Variants in ZMAT4 observed in about 807,000 individuals in gnomAD.
ZMAT4 encodes zinc finger matrin-type 4.
A neutral mutation model predicts 28.7 loss-of-function variants in ZMAT4; 17 were observed. The ratio of observed to expected loss-of-function variants is 0.59; its 90% CI spans 0.41 to 0.89. The LOEUF (loss-of-function observed/expected upper bound fraction) is 0.89. Ranked by LOEUF, ZMAT4 falls within the 40% of genes least tolerant of loss-of-function variation. The pLI is 0.00. For synonymous variants in ZMAT4, 117 were observed against 109.2 expected, an observed-to-expected ratio of 1.07 and a Z score of -0.44; for missense variants, 240 against 283.8, an observed-to-expected ratio of 0.85 and a Z score of 1.11.
chr8:40,578,909 G>C (rs563231878), intron 6 of ZMAT4, among the ~76,000 whole-genome samples: 4 of 152,138 alleles, frequency 2.6e-5, no homozygotes, highest in South Asian at 2.1e-4. Flanking sequence ...GCCTAAGTTC[G>C]TGTTAACTGA....
chr8:40,748,937 A>T (rs1812347689), intron 3 of ZMAT4, among the ~76,000 whole-genome samples: 1 of 152,012 alleles, frequency 6.6e-6, no homozygotes, highest in Admixed American at 6.5e-5. Flanking sequence ...ACCCAGTGGG[A>T]GATAATAATT....
At chr8:40,632,465 C>T (rs1304442650) in intron 5 of ZMAT4, among the ~76,000 whole-genome samples, 1 of 152,044 alleles carries the variant, frequency 6.6e-6, no homozygotes, top group East Asian at 1.9e-4. Flanking sequence ...GAGGATATGT[C>T]CTTTCAGGAC....
chr8:40,696,792 C>T (rs759085625), intron 4 of ZMAT4, among the ~76,000 whole-genome samples: 1 of 152,054 alleles, frequency 6.6e-6, no homozygotes, highest in Non-Finnish European at 1.5e-5. Context: ...TATAGTTTTC[C>T]TTTCTTTTCC....
intron 5 of ZMAT4, among the ~76,000 whole-genome samples, chr8:40,638,634 A>G (rs1337189724): frequency 6.6e-6 from 1 of 152,242 alleles, no homozygotes; most frequent in African/African-American, 2.4e-5. Context: ...ATCAGAGGAA[A>G]CAAGTGCATT....
At chr8:40,677,600 G>A (rs149273022) in intron 4 of ZMAT4, among the ~76,000 whole-genome samples, 295 of 152,274 alleles carry the variant, frequency 1.9e-3, no homozygotes, top group African/African-American at 5.9e-3. Flanking sequence ...CCCTTCTACA[G>A]CTTTGATTCA....
At chr8:40,841,235 C>G (rs1816691819) in intron 1 of ZMAT4, among the ~76,000 whole-genome samples, 2 of 152,232 alleles carry the variant, frequency 1.3e-5, no homozygotes, top group Non-Finnish European at 2.9e-5. Context: ...GCACTCTCCC[C>G]AGGACCTCAG....
intron 3 of ZMAT4, among the ~76,000 whole-genome samples, chr8:40,723,910 G>A (rs73611494): frequency 0.012 from 1,895 of 152,212 alleles, 42 homozygotes; most frequent in African/African-American, 0.043. Context: ...AATGCCACAT[G>A]TGAAAATGCA....
Position 40,595,363 on chromosome 8 carries a change from CAT to C in ZMAT4, c.578-14104_578-14103del, listed in dbSNP as rs965885365. On this transcript the variant is annotated intron_variant, in intron 5 of 6. Coordinates refer to ENST00000297737, the MANE Select transcript of ZMAT4 (RefSeq NM_024645.3). ...GTATAAATGTATACAAACACACACA[CAT>C]ATATATATGTGTGTATATATGTATA... Among the ~76,000 whole-genome samples the C allele has an allele frequency of 7.0e-4, 106 of 152,132 alleles. 1 individual carries two copies. The highest frequency in any genetic ancestry group is 2.2e-3 in the African/African-American group (92 of 41,510).
chr8:40,844,629 CCTCT>C lies in ZMAT4; in HGVS notation c.-4-18953_-4-18950del, dbSNP rs145438726. 3.8e-3 allele frequency among the ~76,000 whole-genome samples: 570 copies of C among 150,194 alleles called. 6 individuals carry two copies. The highest frequency in any genetic ancestry group is 0.013 in the African/African-American group (538 of 40,896). On this transcript the variant is annotated intron_variant, in intron 1 of 6. Transcript: ENST00000297737. ...TACTCTTTCTCTCTCCTCTCTCTCT[CCTCT>C]CTCTCTGCATGCTCTCTCTCATTCT...
intron 3 of ZMAT4, among the ~76,000 whole-genome samples, chr8:40,722,830 T>C (rs1456374194): frequency 6.6e-6 from 1 of 152,142 alleles, no homozygotes; most frequent in African/African-American, 2.4e-5. Flanking sequence ...GGGTGATAAG[T>C]GCTCACATAC....
At chr8:40,662,949 G>A (rs1808263415) in intron 5 of ZMAT4, among the ~76,000 whole-genome samples, 1 of 152,094 alleles carries the variant, frequency 6.6e-6, no homozygotes, top group Admixed American at 6.5e-5. Context: ...CCCTCAGCAG[G>A]CCTCTGCATG....
rs189260291 is a variant in ZMAT4 at position 40,550,403 on chromosome 8, G to T, written c.675-18165C>A. ...AGGTGTTTTCCATAATAAAATTCCT[G>T]CATGTTTAATTCTGTCTTGGAATCT... is the stretch of plus-strand genomic sequence containing the variant. On this transcript the variant is annotated intron_variant, in intron 6 of 6. Coordinates refer to ENST00000297737, the MANE Select transcript of ZMAT4 (RefSeq NM_024645.3). Among the ~76,000 whole-genome samples, 4 of 152,256 alleles carry T rather than the reference G, an allele frequency of 2.6e-5. No homozygotes were observed. In the East Asian group the frequency reaches 7.7e-4, roughly 29 times the overall value.
chr8:40,727,331 A>G (rs1811355191), intron 3 of ZMAT4, among the ~76,000 whole-genome samples: 1 of 152,164 alleles, frequency 6.6e-6, no homozygotes, highest in South Asian at 2.1e-4. Context: ...AAGGTTGAGG[A>G]AAATCATTCC....
At chr8:40,600,203 T>TTTTG (rs1011678045) in intron 5 of ZMAT4, among the ~76,000 whole-genome samples, 5 of 152,210 alleles carry the variant, frequency 3.3e-5, no homozygotes, top group South Asian at 2.1e-4. Flanking sequence ...AAAGGTGTTT[T>TTTTG]TTTGTTTGTT....
chr8:40,664,235 T>C (rs1353941049), intron 5 of ZMAT4, among the ~76,000 whole-genome samples: 1 of 152,186 alleles, frequency 6.6e-6, no homozygotes, highest in Non-Finnish European at 1.5e-5. Context: ...TCACTCACTC[T>C]GTAGGAAGCC....
At chr8:40,846,741 G>T (rs2150631452) in intron 1 of ZMAT4, among the ~76,000 whole-genome samples, 1 of 152,280 alleles carries the variant, frequency 6.6e-6, no homozygotes, top group East Asian at 1.9e-4. Context: ...CACAGCTGCT[G>T]CAAACGTGTA....
chr8:40,881,881 C>T (rs528600417), intron 1 of ZMAT4, among the ~76,000 whole-genome samples: 4 of 152,220 alleles, frequency 2.6e-5, no homozygotes, highest in East Asian at 3.9e-4. Flanking sequence ...TCTCCATCAC[C>T]GCCACTCCTC....
chr8:40,586,338 C>T (rs991978056), intron 5 of ZMAT4, among the ~76,000 whole-genome samples: 2 of 152,126 alleles, frequency 1.3e-5, no homozygotes, highest in Admixed American at 6.6e-5. Flanking sequence ...AAATTTCTGC[C>T]GACCTAAAGG....
intron 3 of ZMAT4, among the ~76,000 whole-genome samples, chr8:40,734,670 G>C (rs1339598104): frequency 1.3e-5 from 2 of 152,052 alleles, no homozygotes; most frequent in African/African-American, 4.8e-5. Flanking sequence ...ACCATCTCCA[G>C]GTTTAAAATG....
Sources: allele counts gnomAD v4.1 joint callset (sites outside exome capture counted in the v4.1 genomes callset), GRCh38; gene constraint gnomAD v4.1.1; transcripts MANE v1.5; gene names NCBI Gene and HGNC (gene_info 2026-07-23, HGNC 2026-07-21).